LRRC37A: variants seen among roughly 807,000 people sequenced by gnomAD.
LRRC37A encodes leucine rich repeat containing 37A.
In LRRC37A, 3 loss-of-function variants were observed where a neutral mutation model predicts 35.4. That is an observed-to-expected ratio of 0.08 (90% confidence interval 0.04 to 0.22). The LOEUF (loss-of-function observed/expected upper bound fraction) is 0.22. LRRC37A is among the 10% of genes least tolerant of loss of function. The pLI, the probability that LRRC37A is intolerant of heterozygous loss-of-function variation, is 1.00. For synonymous variants in LRRC37A, 23 were observed against 215.0 expected, an observed-to-expected ratio of 0.11 and a Z score of 7.81; for missense variants, 67 against 565.3, an observed-to-expected ratio of 0.12 and a Z score of 8.94.
At chr17:46,266,386 C>T in the LRRC37A span, among the ~76,000 whole-genome samples, 1 of 152,170 alleles carries the variant, frequency 6.6e-6, no homozygotes, top group South Asian at 2.1e-4. Context: ...GATCACAGGA[C>T]AGACATTCTC....
chr17:46,260,456 G>C, the LRRC37A span: 5 of 1,572,354 alleles, frequency 3.2e-6, no homozygotes, highest in Non-Finnish European at 4.3e-6. Context: ...TGACCCAGCC[G>C]GCGGCGGGCT....
At chr17:46,270,682 G>A in the LRRC37A span, among the ~76,000 whole-genome samples, 1 of 152,232 alleles carries the variant, frequency 6.6e-6, no homozygotes, top group African/African-American at 2.4e-5. Context: ...ACCAAGGCGG[G>A]TGGATCACAA....
At chr17:46,269,905 C>T in the LRRC37A span, among the ~76,000 whole-genome samples, 1 of 152,198 alleles carries the variant, frequency 6.6e-6, no homozygotes, top group Non-Finnish European at 1.5e-5. Flanking sequence ...ATTCCCCAAA[C>T]CTTGGAACCA....
chr17:46,258,386 T>C, the LRRC37A span, among the ~76,000 whole-genome samples: 21,426 of 151,306 alleles, frequency 0.14, 2,085 homozygotes, highest in Non-Finnish European at 0.21. Flanking sequence ...ACTTTCTGTA[T>C]TTTTAATAGA....
At chr17:46,334,902 A>C (rs927614572) in intron 10 of LRRC37A, 1 of 129,504 alleles carries the variant, frequency 7.7e-6, no homozygotes, top group African/African-American at 2.7e-5. Flanking sequence ...AACAACTGTC[A>C]ACAATGTACA....
chr17:46,273,805 A>C, the LRRC37A span, among the ~76,000 whole-genome samples: 31 of 152,388 alleles, frequency 2.0e-4, no homozygotes, highest in Middle Eastern at 3.4e-3. Context: ...AGAAACAAAC[A>C]AACCAACAAG....
the LRRC37A span, among the ~76,000 whole-genome samples, chr17:46,268,986 A>G: frequency 1.3e-5 from 2 of 152,258 alleles, no homozygotes; most frequent in Non-Finnish European, 2.9e-5. Flanking sequence ...TCATGTTTTT[A>G]AATATTTTAA....
intron 7 of LRRC37A, among the ~76,000 whole-genome samples, chr17:46,327,926 C>T (rs1279289328): frequency 1.7e-5 from 1 of 59,540 alleles, no homozygotes; most frequent in African/African-American, 3.7e-5. Flanking sequence ...CCAGATTTGA[C>T]CAATGCAGTC....
the LRRC37A span, among the ~76,000 whole-genome samples, chr17:46,255,405 G>A: frequency 4.2e-5 from 4 of 95,380 alleles, no homozygotes; most frequent in African/African-American, 1.7e-4. Context: ...TGCTCTTGTT[G>A]CCCAGGCTAG....
the LRRC37A span, among the ~76,000 whole-genome samples, chr17:46,256,046 G>A: frequency 0.14 from 21,121 of 150,964 alleles, 1,845 homozygotes; most frequent in Middle Eastern, 0.21. Context: ...CCTTTGGGAC[G>A]TAATTAGGCT....
the LRRC37A span, among the ~76,000 whole-genome samples, chr17:46,254,523 C>T: frequency 6.6e-6 from 1 of 151,904 alleles, no homozygotes; most frequent in Admixed American, 6.6e-5. Flanking sequence ...GTACTACAGT[C>T]GCATGCCACC....
At chr17:46,279,887 T>C in the LRRC37A span, among the ~76,000 whole-genome samples, 1 of 152,202 alleles carries the variant, frequency 6.6e-6, no homozygotes, top group Non-Finnish European at 1.5e-5. Flanking sequence ...ATCATAGCCT[T>C]ATGTTTTTCT....
At chr17:46,279,805 C>T in the LRRC37A span, among the ~76,000 whole-genome samples, 1 of 152,204 alleles carries the variant, frequency 6.6e-6, no homozygotes, top group Admixed American at 6.5e-5. Context: ...AACAGGCCCT[C>T]CTACACAACT....
intron 10 of LRRC37A, chr17:46,334,831 G>A (rs1164730451): frequency 1.5e-5 from 2 of 134,320 alleles, no homozygotes; most frequent in African/African-American, 5.2e-5. Flanking sequence ...GATTCAACTA[G>A]ATCAGGCTGA....
At chr17:46,249,519 G>A in the LRRC37A span, among the ~76,000 whole-genome samples, 2 of 152,276 alleles carry the variant, frequency 1.3e-5, no homozygotes, top group Non-Finnish European at 1.5e-5. Context: ...ATGCTTCCAG[G>A]AAATCTTTTT....
chr17:46,294,053 A>AT (rs2050147976), upstream of LRRC37A: 1 of 77,774 alleles, frequency 1.3e-5, no homozygotes, highest in Non-Finnish European at 3.8e-5. Context: ...CACCTGGCTA[A>AT]TTTTGTATTT....
chr17:46,254,838 T>TTTTTG, the LRRC37A span, among the ~76,000 whole-genome samples: 2 of 151,062 alleles, frequency 1.3e-5, no homozygotes, highest in African/African-American at 2.4e-5. Flanking sequence ...GCGCCTGTTT[T>TTTTTG]TTTTGTTTTG....
At chr17:46,261,507 G>A in the LRRC37A span, among the ~76,000 whole-genome samples, 2 of 152,126 alleles carry the variant, frequency 1.3e-5, no homozygotes, top group Admixed American at 6.5e-5. Flanking sequence ...CACCTCCTGC[G>A]TTCAAGTGAT....
At chr17:46,276,774 ATTTTTTTC>A in the LRRC37A span, among the ~76,000 whole-genome samples, 6 of 148,488 alleles carry the variant, frequency 4.0e-5, no homozygotes, top group East Asian at 2.0e-4. Context: ...TTGCATTGTA[ATTTTTTTC>A]TTTTTTTCTT....
Sources: allele counts gnomAD v4.1 joint callset (sites outside exome capture counted in the v4.1 genomes callset), GRCh38; gene constraint gnomAD v4.1.1; transcripts MANE v1.5; gene names NCBI Gene and HGNC (gene_info 2026-07-23, HGNC 2026-07-21).